The following KIF1C variants were observed in gnomAD, a reference collection of about 807,000 sequenced individuals.
KIF1C encodes the protein kinesin family member 1C.
In KIF1C, 61 loss-of-function variants were observed where a neutral mutation model predicts 126.5. The ratio of observed to expected loss-of-function variants is 0.48; its 90% CI spans 0.39 to 0.60. The LOEUF is 0.60. Ranked by LOEUF, KIF1C falls within the 20% of genes least tolerant of loss-of-function variation. The probability of loss-of-function intolerance (pLI) is 0.00; values close to 1 mark genes in which losing one functional copy is unlikely to be tolerated. For missense variants in KIF1C, 1,315 were observed against 1,489.2 expected (o/e 0.88, Z 1.93); for synonymous variants, 640 against 580.6 (o/e 1.10, Z -1.47).
chr17:5,000,724 G>A, intron 3 of KIF1C, 48 bp from the exon 4 acceptor site: 3 of 1,561,436 alleles, frequency 1.9e-6, no homozygotes, highest in Non-Finnish European at 1.8e-6. Flanking sequence ...CAGGGACTGG[G>A]AATACCTGAC....
At chr17:5,013,629 G>A in intron 16 of KIF1C, 24 bp from the exon 17 acceptor site, 2 of 1,597,668 alleles carry the variant, frequency 1.3e-6, no homozygotes, top group Admixed American at 3.3e-5. Context: ...GGCTCCCCCT[G>A]ACCACCTTTC....
chr17:5,008,710 A>T (rs1268734598), intron 16 of KIF1C, among the ~76,000 whole-genome samples: 1 of 152,228 alleles, frequency 6.6e-6, no homozygotes, highest in Non-Finnish European at 1.5e-5. Context: ...GCGGTAGGCC[A>T]GGCTGCGTGT....
rs1974578182 is a variant in KIF1C, at chr17:5,001,070, C to T, written c.184-152C>T. On this transcript the variant is annotated intron_variant, in intron 4 of 22. Transcript: ENST00000320785. The stretch of plus-strand genomic sequence containing the variant: ...AGGACTAGCAGGGGCTGGATAGGAT[C>T]CTTGGGGTGGTAAGGACAATGATGA... 6 of 926,560 alleles carry T rather than the reference C, an allele frequency of 6.5e-6. No homozygotes were observed. In the East Asian group the frequency reaches 1.5e-4, roughly 23 times the overall value. 57.4% of individuals were successfully genotyped at this position (926,560 alleles called of 1,614,324 possible). A position where few individuals can be genotyped will look rare whatever the true frequency, so the allele number is the denominator to read the frequency against.
At position 5,002,246 on chromosome 17, in the gene KIF1C, G is replaced by C. The variant is rs1289928923; in HGVS notation, c.429+122G>C. 4.8e-6 allele frequency: 5 copies of C among 1,049,990 alleles called. No homozygotes were observed. The Admixed American group carries it at 5.5e-5, about 11-fold the overall frequency. 65.0% of individuals were successfully genotyped at this position (1,049,990 alleles called of 1,614,324 possible). A position where few individuals can be genotyped will look rare whatever the true frequency, so the allele number is the denominator to read the frequency against. ...GGTTACTGACTGTGACTTTGGGGCA[G>C]TGATTCTGTCCTTCAGCTTCGTATG... On this transcript the variant is annotated intron_variant, in intron 6 of 22. Coordinates refer to ENST00000320785, the MANE Select transcript of KIF1C (RefSeq NM_006612.6).
Position 5,023,011 on chromosome 17 carries a change from G to C in KIF1C, c.2628+302G>C, listed in dbSNP as rs1975126446. ...GAAGTCTAAGACCCACTGATATAAA[G>C]TTTGCAGTTTTGTTTTGTTTCTGAG... On this transcript the variant is annotated intron_variant, in intron 22 of 22. Transcript: ENST00000320785. This position sits in a 1 kb window ranked among gnomAD's most constrained non-coding sequence, Gnocchi z 4.2. 6.6e-6 allele frequency among the ~76,000 whole-genome samples: 1 copy of C among 152,120 alleles called. No individual in the cohort carries two copies. Among genetic ancestry groups the C allele is most frequent in the Non-Finnish European group, 1.5e-5 (1 of 68,016 alleles).
rs1974678923 is a variant in KIF1C at position 5,004,504 on chromosome 17, A to T, written c.941-63A>T. 2.7e-6 allele frequency: 4 copies of T among 1,477,828 alleles called. No individual in the cohort carries two copies. In the South Asian group the frequency reaches 4.6e-5, roughly 17 times the overall value. 91.5% of individuals were successfully genotyped at this position (1,477,828 alleles called of 1,614,324 possible). ...CTGGGCAGTGGGCCCCAGCCCTGTG[A>T]CCCGGTCTGACTTTGCTTAGCCCCT... On this transcript the variant is annotated intron_variant, in intron 11 of 22. Coordinates refer to ENST00000320785, the MANE Select transcript of KIF1C (RefSeq NM_006612.6).
At position 5,022,831 on chromosome 17, in the gene KIF1C, CG is replaced by C; in HGVS notation, c.2628+123del. The C allele has an allele frequency of 7.6e-7, 1 of 1,308,254 alleles. No individual in the cohort carries two copies. The highest frequency in any genetic ancestry group is 1.5e-5 in the African/African-American group (1 of 66,976). The allele number at this position is 1,308,254 out of a possible 1,614,324, so 81.0% of individuals were successfully genotyped here. On this transcript the variant is annotated intron_variant, in intron 22 of 22. Transcript: ENST00000320785. The surrounding 1 kb of genome is among the most constrained non-coding windows in gnomAD (Gnocchi z 4.9). ...GAAAAAATTGCATTGAAGTATAGTA[CG>C]TTTTTTTCAATATTGTTTACGAACC...
At chr17:5,012,339 G>A (rs914682601) in intron 16 of KIF1C, among the ~76,000 whole-genome samples, 3 of 151,616 alleles carry the variant, frequency 2.0e-5, no homozygotes, top group Admixed American at 1.3e-4. Context: ...TGGGAGGAAC[G>A]TGAAGGAAGT....
rs1373289462 is a variant in KIF1C at position 5,000,043 on chromosome 17, GA to G, written c.-28+74del. Reference sequence around the variant, plus strand: ...GGGAGAGAGGCAGAAATACCTTTGGGAGTCTCTCAAGACAGTGACATTTGGG... The same window carrying G: ...GGGAGAGAGGCAGAAATACCTTTGGGGTCTCTCAAGACAGTGACATTTGGG... On this transcript the variant is annotated intron_variant, in intron 2 of 22. Coordinates refer to ENST00000320785, the MANE Select transcript of KIF1C (RefSeq NM_006612.6). 5 of 576,652 alleles carry G rather than the reference GA, an allele frequency of 8.7e-6. No individual in the cohort carries two copies. In the Admixed American group the frequency reaches 1.5e-4, roughly 18 times the overall value. 35.7% of individuals were successfully genotyped at this position (576,652 alleles called of 1,614,324 possible).
chr17:5,017,893 G>A (rs1263110175), intron 18 of KIF1C, among the ~76,000 whole-genome samples: 3 of 152,096 alleles, frequency 2.0e-5, no homozygotes. Flanking sequence ...TGGGTTCAGG[G>A]TAAGGCTGCC....
At position 5,002,649 on chromosome 17, in the gene KIF1C, C is replaced by T; in HGVS notation, c.608+7C>T. 6.2e-7 allele frequency: 1 copy of T among 1,611,296 alleles called. No homozygotes were observed. Among genetic ancestry groups the T allele is most frequent in the Non-Finnish European group, 8.5e-7 (1 of 1,177,724 alleles). On this transcript the variant is annotated splice_region_variant and intron_variant, in intron 7 of 22. Transcript: ENST00000320785. ...ACTGTGGAAATAAAGCACGGTGAGG[C>T]AGGCTGATGGAGCAGAGGGCAAGGG...
Position 5,023,083 on chromosome 17 carries a change from C to T in KIF1C, c.2628+374C>T, listed in dbSNP as rs1429310891. On this transcript the variant is annotated intron_variant, in intron 22 of 22. Coordinates refer to ENST00000320785, the MANE Select transcript of KIF1C (RefSeq NM_006612.6). This position sits in a 1 kb window ranked among gnomAD's most constrained non-coding sequence, Gnocchi z 4.2. ...AGTCTGGAGTGCAGTGGCACAATCT[C>T]GGCTCACTGCAACTTCCGCCTCCCA... Among the ~76,000 whole-genome samples the T allele has an allele frequency of 6.6e-6, 1 of 152,186 alleles. No individual in the cohort carries two copies. The highest frequency in any genetic ancestry group is 6.5e-5 in the Admixed American group (1 of 15,278).
chr17:5,002,697 G>A, intron 7 of KIF1C, 34 bp from the exon 8 acceptor site: 1 of 1,613,022 alleles, frequency 6.2e-7, no homozygotes, highest in Non-Finnish European at 8.5e-7. Context: ...GAAGGTGAGA[G>A]GCAGGATCCA....
intron 13 of KIF1C, among the ~76,000 whole-genome samples, chr17:5,006,106 C>A (rs1434098837): frequency 6.7e-6 from 1 of 149,028 alleles, no homozygotes; most frequent in African/African-American, 2.5e-5. Context: ...ACTCGGGAGA[C>A]TGAGGCAGGA....
intron 16 of KIF1C, among the ~76,000 whole-genome samples, chr17:5,008,356 C>T (rs2143335820): frequency 7.5e-6 from 1 of 133,254 alleles, no homozygotes; most frequent in Non-Finnish European, 1.7e-5. Context: ...AGGGATGGTG[C>T]AGAGGCCAGT....
intron 16 of KIF1C, among the ~76,000 whole-genome samples, chr17:5,010,793 GA>G (rs1974848101): frequency 6.6e-6 from 1 of 151,512 alleles, no homozygotes; most frequent in Non-Finnish European, 1.5e-5. Context: ...AGTGCCCTCT[GA>G]AGATTATAAC....
At position 5,004,738 on chromosome 17, in the gene KIF1C, G is replaced by A. The variant is rs1383023904; in HGVS notation, c.1019+93G>A. On this transcript the variant is annotated intron_variant, in intron 12 of 22. Transcript: ENST00000320785. Reference sequence around the variant, plus strand: ...GCTCAGGACCCTGCTCGTGAGACGGGGGAGATGCCGGAGCCTTGCCACAAT... The same window carrying A: ...GCTCAGGACCCTGCTCGTGAGACGGAGGAGATGCCGGAGCCTTGCCACAAT... The A allele has an allele frequency of 1.4e-5, 22 of 1,582,668 alleles. No homozygotes were observed. In the Admixed American group the frequency reaches 1.9e-4, roughly 13 times the overall value.
In KIF1C at chr17:5,020,693, C is replaced by T. The variant is rs151332469; in HGVS notation, c.1937+15C>T. 9.3e-6 allele frequency: 15 copies of T among 1,612,054 alleles called. No homozygotes were observed. In the East Asian group the frequency reaches 3.3e-4, roughly 36 times the overall value. On this transcript the variant is annotated intron_variant, in intron 20 of 22. Transcript: ENST00000320785. The surrounding 1 kb of genome is among the most constrained non-coding windows in gnomAD (Gnocchi z 5.8). ...ATGGAGAAGAGGTGCGAGGGGGTTACCCACGTGCCCCATGGCCGTCTAGGC... is the reference window on the plus strand; with the variant it reads ...ATGGAGAAGAGGTGCGAGGGGGTTATCCACGTGCCCCATGGCCGTCTAGGC...
chr17:5,019,976 T>C lies in KIF1C; in HGVS notation c.1667-20T>C. 1 of 1,583,336 alleles carries C rather than the reference T, an allele frequency of 6.3e-7. No individual in the cohort carries two copies. The highest frequency in any genetic ancestry group is 8.6e-7 in the Non-Finnish European group (1 of 1,162,190). On this transcript the variant is annotated intron_variant, in intron 18 of 22. Transcript: ENST00000320785. ...TCCTCCAGGGTCTAATCTTTCCCCT[T>C]CCTCTGCCCCTCCATTCAGTGGTGG...
Sources: allele counts gnomAD v4.1 joint callset (sites outside exome capture counted in the v4.1 genomes callset), GRCh38; gene constraint gnomAD v4.1.1; non-coding constraint Gnocchi (gnomAD v3.1); transcripts MANE v1.5; gene names NCBI Gene and HGNC (gene_info 2026-07-23, HGNC 2026-07-21).